SHC4: variants seen among roughly 807,000 people sequenced by gnomAD.
The protein encoded by SHC4 is SHC-transforming protein 4.
SHC4 carries 41 observed loss-of-function variants against 69.4 expected under a neutral mutation model. The observed-to-expected ratio is 0.59, with a 90% CI of 0.46 to 0.77. SHC4 has a LOEUF of 0.77. Ranked by LOEUF, SHC4 falls within the 30% of genes least tolerant of loss-of-function variation. SHC4 has a pLI of 0.00. For synonymous variants in SHC4, 318 were observed against 299.3 expected (o/e 1.06, Z -0.64); for missense variants, 777 against 783.8 (o/e 0.99, Z 0.10).
At position 48,918,015 on chromosome 15, in the gene SHC4, C is replaced by T. The variant is rs547990827; in HGVS notation, c.656+6864G>A. 1.9e-4 allele frequency among the ~76,000 whole-genome samples: 29 copies of T among 152,294 alleles called. No individual in the cohort carries two copies. The South Asian group carries it at 5.8e-3, about 30-fold the overall frequency. On this transcript the variant is annotated intron_variant, in intron 2 of 11. Transcript: ENST00000332408. Reference sequence around the variant, plus strand: ...TTACAGTGAGTGAGACATCAGCCTCCAGTTGTTTGTATCTGTAGCGGTAAT... The same window carrying T: ...TTACAGTGAGTGAGACATCAGCCTCTAGTTGTTTGTATCTGTAGCGGTAAT...
chr15:48,884,171 C>T, intron 4 of SHC4, 77 bp downstream of exon 4: 1 of 1,455,022 alleles, frequency 6.9e-7, no homozygotes, highest in Admixed American at 2.7e-5. Flanking sequence ...CTGTCTAAAA[C>T]TTTATTCTTT....
At chr15:48,846,088 T>G (rs1349432184) in intron 9 of SHC4, among the ~76,000 whole-genome samples, 1 of 151,932 alleles carries the variant, frequency 6.6e-6, no homozygotes, top group Admixed American at 6.6e-5. Context: ...AGCCTCGAAC[T>G]CCTAGGTTAA....
chr15:48,910,480 A>G (rs1455336063), intron 2 of SHC4, among the ~76,000 whole-genome samples: 1 of 151,896 alleles, frequency 6.6e-6, no homozygotes, highest in Non-Finnish European at 1.5e-5. Flanking sequence ...TGGTCTATCA[A>G]TTTTATTTAT....
chr15:48,919,315 T>TTTTTTTTTTTTTTTTTTTTTTTTTTC (rs66789098), intron 2 of SHC4, among the ~76,000 whole-genome samples: 1 of 131,698 alleles, frequency 7.6e-6, no homozygotes, highest in Non-Finnish European at 1.6e-5. Context: ...TTTTTTTTTT[T>TTTTTTTTTTTTTTTTTTTTTTTTTTC]GTAGAGATGG....
chr15:48,901,396 G>A (rs948627540), intron 2 of SHC4, among the ~76,000 whole-genome samples: 3 of 152,118 alleles, frequency 2.0e-5, no homozygotes, highest in African/African-American at 4.8e-5. Context: ...AGGAAGTTGG[G>A]TATTATAAGA....
Position 48,824,453 on chromosome 15 carries a change from GA to G in SHC4, c.*1517del, listed in dbSNP as rs1304424509. On this transcript the variant is annotated 3_prime_UTR_variant, in exon 12 of 12. Coordinates refer to ENST00000332408, the MANE Select transcript of SHC4 (RefSeq NM_203349.4). ...AAAAACATTTTTCTTGGAAAGGCAAGAAAAGGACATAAGTAGTTTTCTGCTA... is the reference window on the plus strand; with the variant it reads ...AAAAACATTTTTCTTGGAAAGGCAAGAAAGGACATAAGTAGTTTTCTGCTA... The G allele has an allele frequency of 1.3e-5, 2 of 151,238 alleles. No individual in the cohort carries two copies. The highest frequency in any genetic ancestry group is 1.3e-4 in the Admixed American group (2 of 15,196). 9.4% of individuals were successfully genotyped at this position (151,238 alleles called of 1,614,324 possible). A position where few individuals can be genotyped will look rare whatever the true frequency, so the allele number is the denominator to read the frequency against.
intron 3 of SHC4, among the ~76,000 whole-genome samples, chr15:48,886,438 C>G (rs1305461877): frequency 6.6e-6 from 1 of 152,080 alleles, no homozygotes; most frequent in Non-Finnish European, 1.5e-5. Context: ...CAAAGTCTTT[C>G]ATGCCATCAT....
At chr15:48,826,229 AC>A (rs1247819339) in intron 11 of SHC4, 103 bp from the exon 12 acceptor site, 1 of 1,106,340 alleles carries the variant, frequency 9.0e-7, no homozygotes, top group African/African-American at 1.6e-5. Context: ...TAAAGTAGAT[AC>A]TTTGCTGAAA....
chr15:48,950,111 AATT>A (rs1901343045), intron 1 of SHC4, among the ~76,000 whole-genome samples: 1 of 144,114 alleles, frequency 6.9e-6, no homozygotes, highest in Non-Finnish European at 1.5e-5. Flanking sequence ...GTAAATACAT[AATT>A]ATATAATAAT....
At chr15:48,889,817 C>G (rs983149449) in intron 3 of SHC4, among the ~76,000 whole-genome samples, 1 of 152,198 alleles carries the variant, frequency 6.6e-6, no homozygotes, top group Non-Finnish European at 1.5e-5. Context: ...GCACTCCAAC[C>G]TGGGCAACAG....
chr15:48,874,007 A>T (rs972853736), intron 4 of SHC4, among the ~76,000 whole-genome samples: 1 of 152,200 alleles, frequency 6.6e-6, no homozygotes, highest in Non-Finnish European at 1.5e-5. Flanking sequence ...TAAAATTCAT[A>T]TGGAAGAATA....
chr15:48,937,931 C>A lies in SHC4; in HGVS notation c.586-12982G>T, dbSNP rs571345234. On this transcript the variant is annotated intron_variant, in intron 1 of 11. Transcript: ENST00000332408. Reference sequence around the variant, plus strand: ...TCCTTGAGGCCTTGTATTTTATATTCAATTTTAATGTTGTTATTGAGATCT... The same window carrying A: ...TCCTTGAGGCCTTGTATTTTATATTAAATTTTAATGTTGTTATTGAGATCT... 2.6e-5 allele frequency among the ~76,000 whole-genome samples: 4 copies of A among 152,268 alleles called. No individual in the cohort carries two copies. In the South Asian group the frequency reaches 8.3e-4, roughly 32 times the overall value.
chr15:48,825,038 A>G lies in SHC4; in HGVS notation c.*933T>C, dbSNP rs1376776484. On this transcript the variant is annotated 3_prime_UTR_variant, in exon 12 of 12. Transcript: ENST00000332408. ...CAGCCAATCAAGAAGAAATTTTACT[A>G]TAATTTCAAATAGATTCTGTACTTT... 6.6e-6 allele frequency: 1 copy of G among 152,648 alleles called. No homozygotes were observed. The highest frequency in any genetic ancestry group is 1.5e-5 in the Non-Finnish European group (1 of 68,046). The allele number at this position is 152,648 out of a possible 1,614,324, so 9.5% of individuals were successfully genotyped here. A position where few individuals can be genotyped will look rare whatever the true frequency, so the allele number is the denominator to read the frequency against.
At position 48,927,239 on chromosome 15, in the gene SHC4, C is replaced by G. The variant is rs7178573; in HGVS notation, c.586-2290G>C. ...TTCTCTGGCTTTTGGTACCTTCCAG[C>G]GCCCTCTTCCACCCCAGAGCCTAGG... On this transcript the variant is annotated intron_variant, in intron 1 of 11. Coordinates refer to ENST00000332408, the MANE Select transcript of SHC4 (RefSeq NM_203349.4). Among the ~76,000 whole-genome samples, 25 of 152,096 alleles carry G rather than the reference C, an allele frequency of 1.6e-4. 1 individual carries two copies. Among genetic ancestry groups the G allele is most frequent in the South Asian group, 1.5e-3 (7 of 4,820 alleles).
At chr15:48,854,358 T>A (rs1899271520) in intron 8 of SHC4, among the ~76,000 whole-genome samples, 3 of 152,216 alleles carry the variant, frequency 2.0e-5, no homozygotes, top group Non-Finnish European at 4.4e-5. Context: ...GCTCATACAC[T>A]GTTGGTAGGA....
intron 11 of SHC4, among the ~76,000 whole-genome samples, chr15:48,827,535 T>G (rs946413744): frequency 8.1e-6 from 1 of 123,518 alleles, no homozygotes; most frequent in Non-Finnish European, 1.8e-5. Context: ...TCACTCTGCC[T>G]TCTTCTTTGT....
chr15:48,836,548 C>CTT (rs201585158), intron 10 of SHC4, among the ~76,000 whole-genome samples: 1 of 150,594 alleles, frequency 6.6e-6, no homozygotes, highest in East Asian at 1.9e-4. Context: ...GACTTTGTTT[C>CTT]TTTTTTTTTG....
intron 8 of SHC4, among the ~76,000 whole-genome samples, chr15:48,852,612 A>G (rs1037141428): frequency 6.6e-6 from 1 of 152,164 alleles, no homozygotes; most frequent in African/African-American, 2.4e-5. Flanking sequence ...TCAAAAAATA[A>G]GAGGTAGGGC....
chr15:48,866,222 C>T (rs1233685010), intron 6 of SHC4, among the ~76,000 whole-genome samples: 1 of 152,156 alleles, frequency 6.6e-6, no homozygotes, highest in Non-Finnish European at 1.5e-5. Flanking sequence ...TTTCTGGTAT[C>T]CTTTGTTGTG....
Sources: gnomAD v4.1 joint callset for allele counts (sites outside exome capture counted in the v4.1 genomes callset) on GRCh38, gnomAD v4.1.1 for gene constraint, MANE v1.5 for transcripts, NCBI Gene and HGNC (gene_info 2026-07-23, HGNC 2026-07-21) for gene names.